OSBPL10: variants seen among roughly 807,000 people sequenced by gnomAD.
The protein encoded by OSBPL10 is oxysterol binding protein like 10.
In OSBPL10, 49 loss-of-function variants were observed where a neutral mutation model predicts 81.7. The observed-to-expected ratio is 0.60, with a 90% confidence interval of 0.48 to 0.76. The LOEUF is 0.76. Among genes scored for constraint, OSBPL10 ranks in the 30% least tolerant of loss-of-function variants. The pLI is 0.00. For synonymous variants in OSBPL10, 419 were observed against 383.6 expected (o/e 1.09, Z -1.08); for missense variants, 923 against 987.8 (o/e 0.93, Z 0.88).
chr3:31,828,170 A>G lies in OSBPL10; in HGVS notation c.729+1870T>C, dbSNP rs182724700. Among the ~76,000 whole-genome samples the G allele has an allele frequency of 2.0e-3, 310 of 152,368 alleles. 1 individual carries two copies. The highest frequency in any genetic ancestry group is 6.3e-3 in the African/African-American group (263 of 41,602). ...TAAACTAATCTGCGATGAGGTCTAC[A>G]TAAAAGTGAAATGATGGTATCATAG... On this transcript the variant is annotated intron_variant, in intron 4 of 11. Coordinates refer to ENST00000396556, the MANE Select transcript of OSBPL10 (RefSeq NM_017784.5).
intron 2 of OSBPL10, among the ~76,000 whole-genome samples, chr3:32,008,985 G>A (rs983014224): frequency 6.6e-6 from 1 of 152,136 alleles, no homozygotes; most frequent in African/African-American, 2.4e-5. Context: ...GTTATCTCTG[G>A]AGAATGCAAC....
chr3:31,886,078 C>CAT (rs1695730181), intron 1 of OSBPL10, among the ~76,000 whole-genome samples: 1 of 151,118 alleles, frequency 6.6e-6, no homozygotes, highest in African/African-American at 2.4e-5. Context: ...ACAGCTCACT[C>CAT]ATGCTGACAG....
chr3:31,817,912 C>A (rs546544748), intron 4 of OSBPL10, among the ~76,000 whole-genome samples: 93 of 152,298 alleles, frequency 6.1e-4, no homozygotes, highest in African/African-American at 1.7e-3. Flanking sequence ...TGAGACCAGC[C>A]CGGTCAACCT....
At chr3:31,742,209 T>C (rs918367559) in intron 5 of OSBPL10, among the ~76,000 whole-genome samples, 1 of 151,988 alleles carries the variant, frequency 6.6e-6, no homozygotes, top group Non-Finnish European at 1.5e-5. Context: ...AGAAAAGAGA[T>C]GAAAAATACA....
intron 7 of OSBPL10, 141 bp from the exon 8 acceptor site, chr3:31,684,255 A>T: frequency 9.1e-7 from 1 of 1,096,714 alleles, no homozygotes; most frequent in Non-Finnish European, 1.3e-6. Flanking sequence ...TTGTGCACAC[A>T]TGACAAACCA....
At chr3:31,812,488 T>C (rs559186959) in intron 4 of OSBPL10, among the ~76,000 whole-genome samples, 11 of 152,288 alleles carry the variant, frequency 7.2e-5, no homozygotes, top group Admixed American at 5.9e-4. Flanking sequence ...ATCTCACAAG[T>C]TGATCTATGA....
chr3:31,936,241 GT>G (rs1697377797), intron 1 of OSBPL10, among the ~76,000 whole-genome samples: 1 of 151,758 alleles, frequency 6.6e-6, no homozygotes, highest in African/African-American at 2.4e-5. Flanking sequence ...ATTCTTTAAG[GT>G]ACACCAGCAA....
intron 4 of OSBPL10, among the ~76,000 whole-genome samples, chr3:31,790,682 C>T (rs1239872109): frequency 6.6e-6 from 1 of 152,144 alleles, no homozygotes; most frequent in Non-Finnish European, 1.5e-5. Context: ...TCCTTGAGGT[C>T]TGACCGCAAA....
intron 2 of OSBPL10, among the ~76,000 whole-genome samples, chr3:32,045,320 G>C (rs559735548): frequency 2.5e-4 from 38 of 152,314 alleles, no homozygotes; most frequent in Non-Finnish European, 1.2e-4. Context: ...CTAGGAGCTA[G>C]ATTACACTAA....
At chr3:31,715,493 G>A (rs1477548398) in intron 6 of OSBPL10, among the ~76,000 whole-genome samples, 1 of 152,102 alleles carries the variant, frequency 6.6e-6, no homozygotes, top group Non-Finnish European at 1.5e-5. Context: ...GGGATCACTC[G>A]AACGTTACTG....
intron 7 of OSBPL10, among the ~76,000 whole-genome samples, chr3:31,688,083 T>C (rs1440576710): frequency 6.6e-6 from 1 of 151,846 alleles, no homozygotes; most frequent in Non-Finnish European, 1.5e-5. Context: ...ATCGTTGCAA[T>C]GAAGGAAGGG....
intron 1 of OSBPL10, among the ~76,000 whole-genome samples, chr3:31,922,588 A>C (rs933307224): frequency 2.6e-5 from 4 of 152,218 alleles, no homozygotes; most frequent in Non-Finnish European, 5.9e-5. Context: ...ATTGCACTCC[A>C]GCCTGGGCAA....
At chr3:32,039,738 A>G (rs1699554058) in intron 2 of OSBPL10, among the ~76,000 whole-genome samples, 1 of 152,220 alleles carries the variant, frequency 6.6e-6, no homozygotes, top group South Asian at 2.1e-4. Context: ...TTGAAAGTTT[A>G]TAATTCAAAA....
chr3:31,806,490 G>A (rs1699525977), intron 4 of OSBPL10, among the ~76,000 whole-genome samples: 3 of 152,216 alleles, frequency 2.0e-5, no homozygotes, highest in South Asian at 4.1e-4. Flanking sequence ...AACAGTAAGT[G>A]CAAGGGTCAT....
chr3:31,893,443 C>A (rs571661816), intron 1 of OSBPL10, among the ~76,000 whole-genome samples: 4 of 152,242 alleles, frequency 2.6e-5, no homozygotes, highest in East Asian at 1.9e-4. Flanking sequence ...AAACTGGAAC[C>A]TTTCCACACT....
intron 2 of OSBPL10, among the ~76,000 whole-genome samples, chr3:31,876,964 C>T (rs184181487): frequency 8.0e-4 from 115 of 144,562 alleles, no homozygotes; most frequent in Non-Finnish European, 1.6e-4. Flanking sequence ...TGTGCAGTGG[C>T]GCCAACTCAG....
At chr3:31,960,333 C>T (rs1698124498) in intron 1 of OSBPL10, 1 of 152,216 alleles carries the variant, frequency 6.6e-6, no homozygotes, top group South Asian at 2.1e-4. Flanking sequence ...AGACCCTCAG[C>T]TTCCCTCACC....
chr3:31,805,654 TA>T (rs1559472761), intron 4 of OSBPL10, among the ~76,000 whole-genome samples: 1 of 152,180 alleles, frequency 6.6e-6, no homozygotes, highest in Non-Finnish European at 1.5e-5. Context: ...CACCTTAAAA[TA>T]GCAAATAAAG....
chr3:31,731,516 T>C (rs566981239), intron 6 of OSBPL10, among the ~76,000 whole-genome samples: 1 of 151,478 alleles, frequency 6.6e-6, no homozygotes, highest in Non-Finnish European at 1.5e-5. Flanking sequence ...TGAGATGGTG[T>C]CTCGTTCTGT....
Sources: allele counts gnomAD v4.1 joint callset (sites outside exome capture counted in the v4.1 genomes callset), GRCh38; gene constraint gnomAD v4.1.1; transcripts MANE v1.5; gene names NCBI Gene and HGNC (gene_info 2026-07-23, HGNC 2026-07-21).